The following COL5A2 variants were observed in gnomAD, a reference collection of about 807,000 sequenced individuals.
COL5A2 encodes collagen type V alpha 2 chain.
A neutral mutation model predicts 208.2 loss-of-function variants in COL5A2; 23 were observed. The ratio of observed to expected loss-of-function variants is 0.11; its 90% CI spans 0.08 to 0.16. The LOEUF is 0.16. COL5A2 is among the 10% of genes least tolerant of loss of function. The pLI is 1.00. For missense variants in COL5A2, 1,590 were observed against 1,956.4 expected (o/e 0.81, Z 3.53); for synonymous variants, 625 against 628.5 (o/e 0.99, Z 0.08).
rs368776400 is a variant in COL5A2 at position 189,062,999 on chromosome 2, T to C, written c.1923+11A>G. 27 of 1,613,972 alleles carry C rather than the reference T, an allele frequency of 1.7e-5. No individual in the cohort carries two copies. The highest frequency in any genetic ancestry group is 2.1e-5 in the Non-Finnish European group (25 of 1,179,982). ...TACATTATTTTTCTTTAGCAGAAAA[T>C]GTATATTTACCCTCTGCCCAGGAAC... is the stretch of plus-strand genomic sequence containing the variant. On this transcript the variant is annotated intron_variant, in intron 28 of 53. Transcript: ENST00000374866.
chr2:189,256,669 T>TG, the COL5A2 span, among the ~76,000 whole-genome samples: 1 of 152,210 alleles, frequency 6.6e-6, no homozygotes. Flanking sequence ...TTTATTTTTT[T>TG]GAGATAGAGT....
intron 1 of COL5A2, among the ~76,000 whole-genome samples, chr2:189,114,449 T>C (rs917921914): frequency 6.6e-6 from 1 of 152,190 alleles, no homozygotes; most frequent in East Asian, 1.9e-4. Context: ...GCCAATTTGT[T>C]GAAAAATATT....
intron 14 of COL5A2, 56 bp from the exon 15 acceptor site, chr2:189,079,163 T>C: frequency 7.6e-7 from 1 of 1,318,862 alleles, no homozygotes; most frequent in Non-Finnish European, 1.1e-6. Context: ...GATACATCAC[T>C]TTGTTCTGTG....
the COL5A2 span, among the ~76,000 whole-genome samples, chr2:189,329,159 C>A: frequency 6.6e-6 from 1 of 152,084 alleles, no homozygotes; most frequent in African/African-American, 2.4e-5. Flanking sequence ...AAGAAGGAAA[C>A]CTTGTCATTT....
intron 1 of COL5A2, among the ~76,000 whole-genome samples, chr2:189,175,672 T>C (rs1287796147): frequency 1.3e-5 from 2 of 151,496 alleles, no homozygotes; most frequent in Non-Finnish European, 2.9e-5. Flanking sequence ...GTCTCCTGAG[T>C]AGCTGGGACC....
chr2:189,336,562 T>C, the COL5A2 span, among the ~76,000 whole-genome samples: 6 of 152,194 alleles, frequency 3.9e-5, no homozygotes, highest in Non-Finnish European at 7.4e-5. Context: ...AACTGATCCA[T>C]GCAAAAATAT....
At chr2:189,285,361 G>C in the COL5A2 span, among the ~76,000 whole-genome samples, 1 of 151,876 alleles carries the variant, frequency 6.6e-6, no homozygotes, top group East Asian at 1.9e-4. Flanking sequence ...CCTAAACATT[G>C]CTCCTAATTC....
the COL5A2 span, among the ~76,000 whole-genome samples, chr2:189,305,443 C>T: frequency 6.6e-6 from 1 of 152,186 alleles, no homozygotes; most frequent in African/African-American, 2.4e-5. Flanking sequence ...TATATTCGGC[C>T]CTTTGGCCCT....
the COL5A2 span, among the ~76,000 whole-genome samples, chr2:189,358,768 T>C: frequency 6.6e-6 from 1 of 152,224 alleles, no homozygotes; most frequent in African/African-American, 2.4e-5. Flanking sequence ...CAGTATTTTA[T>C]AGTTTTGTAT....
the COL5A2 span, among the ~76,000 whole-genome samples, chr2:189,420,066 AAGGG>A: frequency 0.014 from 1,802 of 126,888 alleles, 40 homozygotes; most frequent in African/African-American, 0.048. Flanking sequence ...GGAAGGAAGG[AAGGG>A]AGGGAGGGAG....
chr2:189,088,845 T>C, intron 7 of COL5A2, 73 bp from the exon 8 acceptor site: 1 of 1,094,936 alleles, frequency 9.1e-7, no homozygotes, highest in Non-Finnish European at 1.4e-6. Flanking sequence ...TATGGATAAA[T>C]GTACACTCTC....
chr2:189,318,672 A>C, the COL5A2 span, among the ~76,000 whole-genome samples: 111 of 152,372 alleles, frequency 7.3e-4, no homozygotes, highest in African/African-American at 2.6e-3. Context: ...AGCACTTAAA[A>C]ATAAAATTAT....
intron 1 of COL5A2, among the ~76,000 whole-genome samples, chr2:189,136,182 A>G (rs115737938): frequency 1.2e-3 from 179 of 152,340 alleles, no homozygotes; most frequent in Admixed American, 2.7e-3. Flanking sequence ...ATGCTAATCT[A>G]TGCTACACAT....
intron 1 of COL5A2, among the ~76,000 whole-genome samples, chr2:189,148,406 C>T (rs965962701): frequency 6.6e-6 from 1 of 151,934 alleles, no homozygotes; most frequent in Admixed American, 6.6e-5. Context: ...CAACCACAGA[C>T]CCAAGGGAGG....
At chr2:189,121,622 C>G (rs983290040) in intron 1 of COL5A2, among the ~76,000 whole-genome samples, 1 of 145,394 alleles carries the variant, frequency 6.9e-6, no homozygotes, top group African/African-American at 2.5e-5. Flanking sequence ...CACACTGGGA[C>G]AAACTATAAA....
At chr2:189,270,867 C>A in the COL5A2 span, among the ~76,000 whole-genome samples, 1 of 152,044 alleles carries the variant, frequency 6.6e-6, no homozygotes. Context: ...CAATAATCGA[C>A]AAACAGAGAG....
Position 189,148,318 on chromosome 2 carries a change from G to A in COL5A2, c.97+31190C>T, listed in dbSNP as rs558247216. Among the ~76,000 whole-genome samples, 34 of 152,198 alleles carry A rather than the reference G, an allele frequency of 2.2e-4. No individual in the cohort carries two copies. In the South Asian group the frequency reaches 6.8e-3, roughly 31 times the overall value. On this transcript the variant is annotated intron_variant, in intron 1 of 53. Coordinates refer to ENST00000374866, the MANE Select transcript of COL5A2 (RefSeq NM_000393.5). Reference sequence around the variant, plus strand: ...GACACTTAAAGTCATAATATGGGCAGGTTAGAAAAACATCATGTGGCATAA... The same window carrying A: ...GACACTTAAAGTCATAATATGGGCAAGTTAGAAAAACATCATGTGGCATAA...
At chr2:189,064,112 G>A in intron 25 of COL5A2, 79 bp from the exon 26 acceptor site, 1 of 1,141,366 alleles carries the variant, frequency 8.8e-7, no homozygotes. Context: ...AAATAGTGTT[G>A]CATTTTTGTC....
chr2:189,229,435 C>T (rs12464299), upstream of COL5A2, among the ~76,000 whole-genome samples: 2 of 49,856 alleles, frequency 4.0e-5, no homozygotes, highest in African/African-American at 1.5e-4. Context: ...CATACATACA[C>T]ACACACAAAA....
Sources: gnomAD v4.1 joint callset for allele counts (sites outside exome capture counted in the v4.1 genomes callset) on GRCh38, gnomAD v4.1.1 for gene constraint, MANE v1.5 for transcripts, NCBI Gene and HGNC (gene_info 2026-07-23, HGNC 2026-07-21) for gene names.